The following LAMA4 variants were observed in gnomAD, a reference collection of about 807,000 sequenced individuals.
LAMA4 encodes laminin subunit alpha 4.
LAMA4 carries 127 observed loss-of-function variants against 207.1 expected under a neutral mutation model. The observed-to-expected ratio is 0.61, with a 90% CI of 0.53 to 0.71. LAMA4 has a LOEUF of 0.71. LAMA4 is among the 30% of genes least tolerant of loss of function. The pLI is 0.00. For missense variants in LAMA4, 2,093 were observed against 2,246.5 expected (o/e 0.93, Z 1.38); for synonymous variants, 761 against 816.0 (o/e 0.93, Z 1.15).
At chr6:112,182,355 C>T (rs114547224) in intron 9 of LAMA4, among the ~76,000 whole-genome samples, 2,154 of 152,226 alleles carry the variant, frequency 0.014, 57 homozygotes, top group African/African-American at 0.048. Flanking sequence ...AATGCCTATA[C>T]ATCACTTCGT....
chr6:112,150,286 C>A (rs1292172983), intron 17 of LAMA4: 7 of 542,120 alleles, frequency 1.3e-5, no homozygotes, highest in Non-Finnish European at 2.0e-5. Context: ...AAAAGGCTCT[C>A]AAATCTAAAG....
At chr6:112,113,712 G>T (rs1255131400) in intron 38 of LAMA4, among the ~76,000 whole-genome samples, 1 of 152,164 alleles carries the variant, frequency 6.6e-6, no homozygotes, top group Non-Finnish European at 1.5e-5. Context: ...GCAACTAACA[G>T]CAAACTTAAT....
At position 112,142,174 on chromosome 6, in the gene LAMA4, C is replaced by T. The variant is rs782117003; in HGVS notation, c.2612G>A (p.Arg871Gln). The T allele has an allele frequency of 2.2e-5, 36 of 1,613,932 alleles. No homozygotes were observed. The South Asian group carries it at 2.6e-4, about 12-fold the overall frequency. The change falls in exon 20 of 39, where the codon CGG becomes CAG. Residue 871 changes from arginine (R) to glutamine (Q), a missense_variant. Around this residue, in one of 3 missense-constraint regions of LAMA4, gnomAD observed 1,704 missense variants for 1,788.4 expected, o/e 0.95. Transcript: ENST00000230538. Reference protein sequence around the residue: ...LSLYMKPPVKRPELTETADQF... With the variant: ...LSLYMKPPVKQPELTETADQF... ...ATCTGCAGTCTCGGTCAGTTCCGGC[C>T]GCTTCACAGGGGGTTTCATGTACAG...
chr6:112,191,502 G>A, intron 6 of LAMA4, 134 bp downstream of exon 6: 1 of 713,346 alleles, frequency 1.4e-6, no homozygotes, highest in Non-Finnish European at 2.5e-6. Context: ...ATATTCCTGA[G>A]AATGTACATT....
chr6:112,127,985 C>T (rs1778802360), intron 31 of LAMA4, among the ~76,000 whole-genome samples: 1 of 152,154 alleles, frequency 6.6e-6, no homozygotes, highest in Non-Finnish European at 1.5e-5. Context: ...AATGGAGTAG[C>T]TTTAGCTGAT....
At chr6:112,189,409 C>G (rs1782884421) in intron 6 of LAMA4, among the ~76,000 whole-genome samples, 1 of 152,154 alleles carries the variant, frequency 6.6e-6, no homozygotes, top group African/African-American at 2.4e-5. Flanking sequence ...ATGAGATTTT[C>G]AAAGGTGACC....
intron 2 of LAMA4, among the ~76,000 whole-genome samples, chr6:112,224,267 A>C (rs980815406): frequency 2.0e-5 from 3 of 151,596 alleles, no homozygotes; most frequent in Non-Finnish European, 2.9e-5. Flanking sequence ...CCTCCCCTTT[A>C]TTATCCAAGA....
At chr6:112,169,746 T>A (rs1554341209) in intron 12 of LAMA4, among the ~76,000 whole-genome samples, 1 of 152,230 alleles carries the variant, frequency 6.6e-6, no homozygotes, top group East Asian at 1.9e-4. Context: ...TCTGTCTGAA[T>A]CAAAAATGCC....
At chr6:112,237,086 G>T (rs1400657173) in intron 2 of LAMA4, among the ~76,000 whole-genome samples, 1 of 152,194 alleles carries the variant, frequency 6.6e-6, no homozygotes, top group African/African-American at 2.4e-5. Context: ...AAGCTCCTTT[G>T]TTGTTGTCCT....
rs1216323451 is a variant in LAMA4, at chr6:112,117,265, G to T, written c.4981+474C>A. ...TTATGGGAGGCATACAATAAAAACT[G>T]AATGAGTGAGGGAGTAATGGTCAAG... On this transcript the variant is annotated intron_variant, in intron 35 of 38. Transcript: ENST00000230538. This position sits in a 1 kb window ranked among gnomAD's most constrained non-coding sequence, Gnocchi z 4.5. Among the ~76,000 whole-genome samples, 3 of 152,164 alleles carry T rather than the reference G, an allele frequency of 2.0e-5. No individual in the cohort carries two copies. The highest frequency in any genetic ancestry group is 4.4e-5 in the Non-Finnish European group (3 of 68,034).
chr6:112,191,983 A>G (rs1562716619), intron 5 of LAMA4, 133 bp from the exon 6 acceptor site: 3 of 786,988 alleles, frequency 3.8e-6, no homozygotes, highest in Admixed American at 2.0e-5. Context: ...GCACTCTCTC[A>G]TCTTCTTCAT....
Position 112,254,066 on chromosome 6 carries a change from C to A in LAMA4, c.85G>T (p.Asp29Tyr). The A allele has an allele frequency of 4.3e-6, 7 of 1,609,348 alleles. No individual in the cohort carries two copies. Among genetic ancestry groups the A allele is most frequent in the Non-Finnish European group, 5.9e-6 (7 of 1,178,282 alleles). ...AACSRAASGD[D>Y]NAFPFDIEGS... ...TCAATGTCAAAAGGAAAAGCGTTGT[C>A]GTCCCCGGACGCGGCGCGGGAGCAG... The change falls in exon 2 of 39, where the codon GAC becomes TAC. Residue 29 changes from aspartate (D) to tyrosine (Y), a missense_variant. By Grantham distance (160) the Asp-to-Tyr change is radical. Transcript: ENST00000230538.
At chr6:112,142,884 TAATA>T (rs1458459985) in intron 19 of LAMA4, among the ~76,000 whole-genome samples, 2 of 152,218 alleles carry the variant, frequency 1.3e-5, no homozygotes, top group African/African-American at 4.8e-5. Context: ...GAAATGAGGA[TAATA>T]AATTTGTTGT....
intron 4 of LAMA4, among the ~76,000 whole-genome samples, chr6:112,204,080 T>C (rs1554353365): frequency 6.6e-6 from 1 of 152,192 alleles, no homozygotes; most frequent in East Asian, 1.9e-4. Flanking sequence ...CTTGCTCAAC[T>C]AACATACCGG....
chr6:112,141,899 G>C (rs559642954), intron 20 of LAMA4, among the ~76,000 whole-genome samples: 1 of 152,308 alleles, frequency 6.6e-6, no homozygotes, highest in South Asian at 2.1e-4. Flanking sequence ...AAAGTTAGTA[G>C]TGTGATGGTG....
intron 3 of LAMA4, chr6:112,214,081 G>A (rs1554357780): frequency 1.1e-5 from 8 of 738,848 alleles, no homozygotes; most frequent in Admixed American, 1.9e-5. Flanking sequence ...CTGGGATAGC[G>A]GCACCAAAGG....
At chr6:112,192,277 G>T (rs1254540042) in intron 5 of LAMA4, among the ~76,000 whole-genome samples, 6 of 152,228 alleles carry the variant, frequency 3.9e-5, no homozygotes, top group African/African-American at 1.4e-4. Context: ...TAGTCACAAT[G>T]AATTGTTTAA....
chr6:112,252,442 C>CA (rs1331006857), intron 2 of LAMA4, among the ~76,000 whole-genome samples: 1 of 151,938 alleles, frequency 6.6e-6, no homozygotes, highest in African/African-American at 2.4e-5. Flanking sequence ...ATGAGAGTTA[C>CA]AAAAAACAGT....
intron 9 of LAMA4, among the ~76,000 whole-genome samples, chr6:112,182,574 A>G (rs1360907669): frequency 6.6e-6 from 1 of 152,138 alleles, no homozygotes; most frequent in Non-Finnish European, 1.5e-5. Context: ...CTTTCCTTTT[A>G]GTCCTGTGGG....
Sources: gnomAD v4.1 joint callset for allele counts (sites outside exome capture counted in the v4.1 genomes callset) on GRCh38, gnomAD v4.1.1 for gene constraint, gnomAD v4.1.1 regional missense constraint, Gnocchi (gnomAD v3.1) non-coding constraint, MANE v1.5 for transcripts, NCBI Gene and HGNC (gene_info 2026-07-23, HGNC 2026-07-21) for gene names.